NEGR1: variants seen among roughly 807,000 people sequenced by gnomAD.
NEGR1 encodes the protein IgLON family member 4.
A neutral mutation model predicts 40.9 loss-of-function variants in NEGR1; 10 were observed. That is an observed-to-expected ratio of 0.24 (90% confidence interval 0.15 to 0.42). NEGR1 has a LOEUF of 0.42. Ranked by LOEUF, NEGR1 falls within the 10% of genes least tolerant of loss-of-function variation. The probability of loss-of-function intolerance (pLI) is 1.00; values close to 1 mark genes in which losing one functional copy is unlikely to be tolerated. For missense variants in NEGR1, 352 were observed against 438.9 expected (o/e 0.80, Z 1.77); for synonymous variants, 185 against 166.8 (o/e 1.11, Z -0.84).
rs140992124 is a variant in NEGR1 at position 72,119,624 on chromosome 1, C to A, written c.176+162695G>T. 7.6e-4 allele frequency among the ~76,000 whole-genome samples: 116 copies of A among 151,968 alleles called. No individual in the cohort carries two copies. The East Asian group carries it at 0.021, about 28-fold the overall frequency. On this transcript the variant is annotated intron_variant, in intron 1 of 6. Transcript: ENST00000357731. The stretch of plus-strand genomic sequence containing the variant: ...TATATCAGATGATCTTAGTACTTCT[C>A]AAATGGGGATGATTTAATCCCCACT...
chr1:72,254,103 C>G (rs1038144884), intron 1 of NEGR1, among the ~76,000 whole-genome samples: 3 of 152,166 alleles, frequency 2.0e-5, no homozygotes, highest in Non-Finnish European at 4.4e-5. Context: ...TAACCCAAGA[C>G]CCAATTCAAA....
intron 2 of NEGR1, among the ~76,000 whole-genome samples, chr1:71,896,139 G>T (rs1409423773): frequency 6.8e-6 from 1 of 147,702 alleles, no homozygotes. Flanking sequence ...CCGAGCTCAA[G>T]TTATTCTCCT....
intron 6 of NEGR1, among the ~76,000 whole-genome samples, chr1:71,413,957 T>C (rs1646339589): frequency 1.3e-5 from 2 of 152,166 alleles, no homozygotes; most frequent in Admixed American, 6.6e-5. Context: ...ACAATACCAA[T>C]TACTTCCCTA....
chr1:72,154,199 G>A (rs1200896727), intron 1 of NEGR1, among the ~76,000 whole-genome samples: 1 of 151,912 alleles, frequency 6.6e-6, no homozygotes, highest in Non-Finnish European at 1.5e-5. Context: ...ATGCAATGAA[G>A]AGGGAGACAA....
intron 2 of NEGR1, among the ~76,000 whole-genome samples, chr1:71,787,713 A>G (rs1052715558): frequency 6.6e-6 from 1 of 152,180 alleles, no homozygotes; most frequent in Non-Finnish European, 1.5e-5. Context: ...TACATGGTTT[A>G]TGAAAGTAAA....
intron 1 of NEGR1, among the ~76,000 whole-genome samples, chr1:72,076,413 T>A (rs1048402718): frequency 2.0e-5 from 3 of 152,260 alleles, no homozygotes; most frequent in Non-Finnish European, 4.4e-5. Flanking sequence ...TCCAGAACTA[T>A]GATAAATACA....
chr1:71,599,293 C>A (rs2101529878), intron 5 of NEGR1, among the ~76,000 whole-genome samples: 1 of 152,168 alleles, frequency 6.6e-6, no homozygotes, highest in Admixed American at 6.5e-5. Flanking sequence ...AAATATTGAG[C>A]ATTCAGGAAA....
intron 1 of NEGR1, among the ~76,000 whole-genome samples, chr1:72,044,821 T>C (rs1364286993): frequency 2.0e-5 from 3 of 151,838 alleles, no homozygotes; most frequent in African/African-American, 7.2e-5. Flanking sequence ...CTTTGATAAA[T>C]GGCTTATGAA....
chr1:71,968,760 G>A (rs1167669198), intron 1 of NEGR1, among the ~76,000 whole-genome samples: 1 of 152,068 alleles, frequency 6.6e-6, no homozygotes, highest in East Asian at 1.9e-4. Flanking sequence ...GTGTAAAATT[G>A]TACACTAAAT....
chr1:72,111,724 T>C lies in NEGR1; in HGVS notation c.176+170595A>G, dbSNP rs1270526568. Among the ~76,000 whole-genome samples, 3 of 151,790 alleles carry C rather than the reference T, an allele frequency of 2.0e-5. No individual in the cohort carries two copies. In the East Asian group the frequency reaches 5.8e-4, roughly 30 times the overall value. On this transcript the variant is annotated intron_variant, in intron 1 of 6. Transcript: ENST00000357731. Reference sequence around the variant, plus strand: ...CTCATAGTTTGCAGTCATGGAAACGTTTTGTTCCATGAAAACCCTTTCTTG... The same window carrying C: ...CTCATAGTTTGCAGTCATGGAAACGCTTTGTTCCATGAAAACCCTTTCTTG...
chr1:72,131,261 A>G (rs972779207), intron 1 of NEGR1, among the ~76,000 whole-genome samples: 8 of 152,188 alleles, frequency 5.3e-5, no homozygotes, highest in Non-Finnish European at 1.0e-4. Flanking sequence ...TGCATTACAT[A>G]CTTATTAAGT....
intron 2 of NEGR1, among the ~76,000 whole-genome samples, chr1:71,854,038 T>C (rs1038595674): frequency 6.6e-6 from 1 of 152,148 alleles, no homozygotes; most frequent in Non-Finnish European, 1.5e-5. Context: ...TGTTGAGGAT[T>C]TGATTTTTAT....
intron 4 of NEGR1, among the ~76,000 whole-genome samples, chr1:71,685,523 T>C (rs1413004630): frequency 6.6e-6 from 1 of 152,156 alleles, no homozygotes; most frequent in African/African-American, 2.4e-5. Context: ...GGTTTCACCA[T>C]ATTGGCCAGC....
chr1:72,229,445 T>C (rs1355226309), intron 1 of NEGR1, among the ~76,000 whole-genome samples: 4 of 148,800 alleles, frequency 2.7e-5, no homozygotes, highest in Admixed American at 1.3e-4. Context: ...TAAATAATAA[T>C]TATATAATAA....
intron 6 of NEGR1, chr1:71,486,808 T>C (rs1193822886): frequency 6.6e-6 from 1 of 151,574 alleles, no homozygotes. Flanking sequence ...TAAATGATAT[T>C]AATAATAATA....
At position 72,265,336 on chromosome 1, in the gene NEGR1, GTCAA is replaced by G. The variant is rs573471956; in HGVS notation, c.176+16979_176+16982del. Among the ~76,000 whole-genome samples the G allele has an allele frequency of 6.3e-3, 952 of 150,928 alleles. 9 individuals are homozygous for G. The highest frequency in any genetic ancestry group is 0.022 in the African/African-American group (900 of 41,414). On this transcript the variant is annotated intron_variant, in intron 1 of 6. Coordinates refer to ENST00000357731, the MANE Select transcript of NEGR1 (RefSeq NM_173808.3). ...TTTTAATTAATTTTGTGATAGTAAG[GTCAA>G]TCAGTTTCAATATTTCTATTAATCT... is the stretch of plus-strand genomic sequence containing the variant.
At chr1:71,967,173 AT>A (rs1241374748) in intron 1 of NEGR1, among the ~76,000 whole-genome samples, 1 of 152,190 alleles carries the variant, frequency 6.6e-6, no homozygotes, top group Non-Finnish European at 1.5e-5. Flanking sequence ...ACAGGGGATT[AT>A]TATACTAAGA....
At chr1:72,246,939 T>C (rs1423069278) in intron 1 of NEGR1, among the ~76,000 whole-genome samples, 2 of 152,254 alleles carry the variant, frequency 1.3e-5, no homozygotes, top group Admixed American at 6.5e-5. Flanking sequence ...TAACATCACT[T>C]GGAAGCCGCC....
chr1:71,620,884 T>G (rs1650587863), intron 4 of NEGR1, among the ~76,000 whole-genome samples: 1 of 152,070 alleles, frequency 6.6e-6, no homozygotes, highest in Non-Finnish European at 1.5e-5. Flanking sequence ...TCTGAAGTAC[T>G]TAACCCTTCT....
Sources: gnomAD v4.1 joint callset for allele counts (sites outside exome capture counted in the v4.1 genomes callset) on GRCh38, gnomAD v4.1.1 for gene constraint, MANE v1.5 for transcripts, NCBI Gene and HGNC (gene_info 2026-07-23, HGNC 2026-07-21) for gene names.